The following B3GAT2 variants were observed in gnomAD, a reference collection of about 807,000 sequenced individuals.
B3GAT2 encodes galactosylgalactosylxylosylprotein 3-beta-glucuronosyltransferase 2.
B3GAT2 carries 26 observed loss-of-function variants against 27.8 expected under a neutral mutation model. That is an observed-to-expected ratio of 0.93 (90% CI 0.68 to 1.30). The LOEUF (loss-of-function observed/expected upper bound fraction) is 1.30. Ranked by LOEUF, B3GAT2 falls within the 50% of genes most tolerant of loss-of-function variation. The probability of loss-of-function intolerance (pLI) is 0.00; values close to 1 mark genes in which losing one functional copy is unlikely to be tolerated. For synonymous variants in B3GAT2, 218 were observed against 195.1 expected (o/e 1.12, Z -0.98); for missense variants, 458 against 459.0 (o/e 1.00, Z 0.02).
chr6:70,859,445 C>T lies in B3GAT2; in HGVS notation c.*2218G>A, dbSNP rs1425329387. On this transcript the variant is annotated 3_prime_UTR_variant, in exon 4 of 4. Coordinates refer to ENST00000230053, the MANE Select transcript of B3GAT2 (RefSeq NM_080742.3). ...TGAAGACGTGATCTGCTTCTTCAGA[C>T]ACTTATGCCTGATTAGTGATGTAGT... 3 of 1,378,364 alleles carry T rather than the reference C, an allele frequency of 2.2e-6. No homozygotes were observed. The highest frequency in any genetic ancestry group is 3.0e-6 in the Non-Finnish European group (3 of 1,000,062). The allele number at this position is 1,378,364 out of a possible 1,614,324, so 85.4% of individuals were successfully genotyped here.
chr6:70,951,985 A>G (rs1024606734), intron 1 of B3GAT2, among the ~76,000 whole-genome samples: 1 of 152,150 alleles, frequency 6.6e-6, no homozygotes, highest in Non-Finnish European at 1.5e-5. Flanking sequence ...CAGGAAACAT[A>G]AATAGAAGTA....
chr6:70,869,074 C>G (rs571929385), intron 2 of B3GAT2, among the ~76,000 whole-genome samples: 5 of 152,266 alleles, frequency 3.3e-5, no homozygotes, highest in Admixed American at 3.3e-4. Flanking sequence ...GTCTTAGAAC[C>G]TTTGGCAAAA....
chr6:70,891,748 T>TTGTG (rs147352529), intron 2 of B3GAT2, among the ~76,000 whole-genome samples: 2,301 of 144,718 alleles, frequency 0.016, 33 homozygotes, highest in African/African-American at 0.032. Flanking sequence ...AGAGCTCAGA[T>TTGTG]TGTGTGTGTG....
At chr6:70,874,318 G>A (rs576865193) in intron 2 of B3GAT2, among the ~76,000 whole-genome samples, 2 of 152,154 alleles carry the variant, frequency 1.3e-5, no homozygotes, top group African/African-American at 2.4e-5. Context: ...TAGCTTAAGA[G>A]GTCAACTAAA....
At position 70,860,436 on chromosome 6, in the gene B3GAT2, C is replaced by G. The variant is rs374226519; in HGVS notation, c.*1227G>C. 7.3e-7 allele frequency: 1 copy of G among 1,365,390 alleles called. No individual in the cohort carries two copies. The highest frequency in any genetic ancestry group is 1.9e-4 in the Middle Eastern group (1 of 5,182). The allele number at this position is 1,365,390 out of a possible 1,614,324, so 84.6% of individuals were successfully genotyped here. On this transcript the variant is annotated 3_prime_UTR_variant, in exon 4 of 4. Transcript: ENST00000230053. ...CATATGCATATTTTTTTTCTTTTTA[C>G]CCATTTGTTCATATTAAGAATGATC...
At chr6:70,893,004 G>A (rs1472251380) in intron 2 of B3GAT2, among the ~76,000 whole-genome samples, 1 of 152,152 alleles carries the variant, frequency 6.6e-6, no homozygotes, top group African/African-American at 2.4e-5. Context: ...TCAGGGGCCT[G>A]AGACATGGCC....
intron 2 of B3GAT2, among the ~76,000 whole-genome samples, chr6:70,878,303 CTA>C (rs1263378473): frequency 6.6e-6 from 1 of 152,096 alleles, no homozygotes; most frequent in Non-Finnish European, 1.5e-5. Context: ...CTATTTTTAT[CTA>C]TGTCTGCCTT....
In B3GAT2 at chr6:70,861,873, G is replaced by A; in HGVS notation, c.842C>T (p.Thr281Ile). 2 of 1,613,898 alleles carry A rather than the reference G, an allele frequency of 1.2e-6. No homozygotes were observed. The highest frequency in any genetic ancestry group is 2.2e-5 in the East Asian group (1 of 44,848). ...TTTCGGTTCCAGTTCTTCGACTGTT[G>A]TTATCTGTTTGAGAAAGTCAGATTC... ...MQESDFLKQI[T>I]TVEELEPKAN... Residue 281 changes from threonine (T) to isoleucine (I), a missense_variant, in exon 3 of 4, where the codon ACA (threonine) becomes ATA (isoleucine). Coordinates refer to ENST00000230053, the MANE Select transcript of B3GAT2 (RefSeq NM_080742.3).
At chr6:70,871,566 G>A (rs1040959837) in intron 2 of B3GAT2, among the ~76,000 whole-genome samples, 2 of 151,876 alleles carry the variant, frequency 1.3e-5, no homozygotes, top group African/African-American at 2.4e-5. Context: ...TGTAAGGTTG[G>A]TATTAATATT....
intron 1 of B3GAT2, among the ~76,000 whole-genome samples, chr6:70,931,710 G>A (rs960598676): frequency 7.2e-5 from 11 of 152,172 alleles, no homozygotes; most frequent in African/African-American, 2.4e-4. Flanking sequence ...CACACTATTA[G>A]AAGAAAACAG....
chr6:70,871,603 T>C (rs867944190), intron 2 of B3GAT2, among the ~76,000 whole-genome samples: 168 of 152,130 alleles, frequency 1.1e-3, no homozygotes, highest in Middle Eastern at 6.8e-3. Flanking sequence ...ATTTTAGTAA[T>C]GTGAGGCTTC....
intron 1 of B3GAT2, among the ~76,000 whole-genome samples, chr6:70,895,537 A>ACTC (rs34142758): frequency 0.32 from 35,643 of 112,642 alleles, 6,016 homozygotes; most frequent in Middle Eastern, 0.49. Flanking sequence ...TCAGAGTCTC[A>ACTC]CTCTGTTGCC....
intron 1 of B3GAT2, among the ~76,000 whole-genome samples, chr6:70,944,780 C>T (rs1765451271): frequency 6.6e-6 from 1 of 152,190 alleles, no homozygotes; most frequent in Non-Finnish European, 1.5e-5. Context: ...CAAGTGGGTC[C>T]CTGACCCCTG....
intron 1 of B3GAT2, among the ~76,000 whole-genome samples, chr6:70,939,387 C>G (rs1386736831): frequency 6.7e-6 from 1 of 150,072 alleles, no homozygotes; most frequent in Admixed American, 6.7e-5. Context: ...TCCAGCCATC[C>G]CATTACTGGG....
chr6:70,927,425 G>A (rs980101941), intron 1 of B3GAT2, among the ~76,000 whole-genome samples: 1 of 152,100 alleles, frequency 6.6e-6, no homozygotes, highest in African/African-American at 2.4e-5. Flanking sequence ...CTGTATTCAG[G>A]AGACCCATCT....
chr6:70,938,422 C>G (rs1765332654), intron 1 of B3GAT2, among the ~76,000 whole-genome samples: 1 of 151,838 alleles, frequency 6.6e-6, no homozygotes, highest in Admixed American at 6.6e-5. Context: ...TTATATGGAA[C>G]CATAAAAGAG....
intron 2 of B3GAT2, among the ~76,000 whole-genome samples, chr6:70,868,808 A>G (rs898125834): frequency 3.9e-5 from 6 of 152,172 alleles, no homozygotes; most frequent in African/African-American, 1.4e-4. Flanking sequence ...AACTTGCTGG[A>G]GAAAGAAAGA....
intron 1 of B3GAT2, among the ~76,000 whole-genome samples, chr6:70,897,658 GAA>G (rs71538453): frequency 0.031 from 4,166 of 134,856 alleles, 66 homozygotes; most frequent in African/African-American, 0.043. Flanking sequence ...AGAACTGCTT[GAA>G]AAAAAAAAAA....
intron 2 of B3GAT2, among the ~76,000 whole-genome samples, chr6:70,890,332 G>T (rs189705357): frequency 3.0e-3 from 451 of 152,178 alleles, no homozygotes; most frequent in Non-Finnish European, 5.2e-3. Flanking sequence ...TCTCCCTGTG[G>T]GAGCACATCC....
Sources: allele counts gnomAD v4.1 joint callset (sites outside exome capture counted in the v4.1 genomes callset), GRCh38; gene constraint gnomAD v4.1.1; transcripts MANE v1.5; gene names NCBI Gene and HGNC (gene_info 2026-07-23, HGNC 2026-07-21).